Variants in GCNT2 observed in about 807,000 individuals in gnomAD.
The protein encoded by GCNT2 is N-acetyllactosaminide beta-1,6-N-acetylglucosaminyl-transferase.
GCNT2 carries 34 observed loss-of-function variants against 34.2 expected under a neutral mutation model. The observed-to-expected ratio is 1.00, with a 90% CI of 0.76 to 1.32. The LOEUF (loss-of-function observed/expected upper bound fraction) is 1.32. Ranked by LOEUF, GCNT2 falls within the 40% of genes most tolerant of loss-of-function variation. The probability of loss-of-function intolerance (pLI) is 0.00; values close to 1 mark genes in which losing one functional copy is unlikely to be tolerated. For missense variants in GCNT2, 584 were observed against 489.4 expected (o/e 1.19, Z -1.82); for synonymous variants, 212 against 188.0 (o/e 1.13, Z -1.04).
intron 3 of GCNT2, among the ~76,000 whole-genome samples, chr6:10,544,808 G>T (rs1271616685): frequency 2.0e-5 from 3 of 151,448 alleles, no homozygotes; most frequent in Non-Finnish European, 4.4e-5. Flanking sequence ...AGCTGGGCGT[G>T]GTGGCAGGCA....
At chr6:10,576,649 G>A (rs968326948) in intron 3 of GCNT2, among the ~76,000 whole-genome samples, 1 of 152,004 alleles carries the variant, frequency 6.6e-6, no homozygotes, top group Admixed American at 6.6e-5. Context: ...GGATGAAAGA[G>A]GGCTTTTCAA....
At chr6:10,558,510 CA>C (rs1300000677) in intron 3 of GCNT2, among the ~76,000 whole-genome samples, 4 of 152,160 alleles carry the variant, frequency 2.6e-5, no homozygotes, top group African/African-American at 9.7e-5. Flanking sequence ...ACTAATTTAC[CA>C]GACCGATTGT....
intron 3 of GCNT2, among the ~76,000 whole-genome samples, chr6:10,538,384 G>A (rs1308764137): frequency 7.6e-6 from 1 of 130,838 alleles, no homozygotes; most frequent in African/African-American, 3.0e-5. Context: ...CTCTGGCCTG[G>A]GCGACAAGAG....
intron 3 of GCNT2, among the ~76,000 whole-genome samples, chr6:10,540,731 C>T (rs1056218863): frequency 6.6e-6 from 1 of 152,156 alleles, no homozygotes; most frequent in African/African-American, 2.4e-5. Context: ...AGAAAATTCC[C>T]CTTCAGCATT....
rs1265716877 is a variant in GCNT2 at position 10,529,303 on chromosome 6, A to C, written c.392A>C (p.Lys131Thr). 1 of 1,614,062 alleles carries C rather than the reference A, an allele frequency of 6.2e-7. No individual in the cohort carries two copies. Among genetic ancestry groups the C allele is most frequent in the Non-Finnish European group, 8.5e-7 (1 of 1,180,040 alleles). ...QNVYCVHLDQKATDAFKGAVK... is the reference protein window; with the variant it reads ...QNVYCVHLDQTATDAFKGAVK... Reference sequence around the variant, plus strand: ...GTCTACTGTGTGCACCTGGATCAGAAGGCGACGGATGCCTTTAAAGGTGCA... The same window carrying C: ...GTCTACTGTGTGCACCTGGATCAGACGGCGACGGATGCCTTTAAAGGTGCA... The change falls in exon 3 of 5, where the codon AAG becomes ACG. Residue 131 changes from lysine (K) to threonine (T), a missense_variant. Lys to Thr is a moderately conservative substitution (Grantham distance 78). Transcript: ENST00000495262.
chr6:10,525,994 G>C (rs1283458198), intron 1 of GCNT2, among the ~76,000 whole-genome samples: 2 of 152,192 alleles, frequency 1.3e-5, no homozygotes, highest in African/African-American at 4.8e-5. Context: ...GACTAGTTTA[G>C]ATAAGCATAA....
chr6:10,573,574 A>T (rs34073056), intron 3 of GCNT2, among the ~76,000 whole-genome samples: 17,647 of 152,294 alleles, frequency 0.12, 1,249 homozygotes, highest in Middle Eastern at 0.18. Flanking sequence ...TAGGCTTTCT[A>T]CTACTGCCTT....
At chr6:10,553,639 A>T (rs1268975567) in intron 3 of GCNT2, among the ~76,000 whole-genome samples, 1 of 152,256 alleles carries the variant, frequency 6.6e-6, no homozygotes, top group Admixed American at 6.5e-5. Flanking sequence ...CACGCCTGTA[A>T]TCCCAGTACT....
chr6:10,546,074 A>G (rs1762250564), intron 3 of GCNT2, among the ~76,000 whole-genome samples: 1 of 152,020 alleles, frequency 6.6e-6, no homozygotes, highest in Non-Finnish European at 1.5e-5. Context: ...GCTGTTCTTT[A>G]TGCCTCACTG....
chr6:10,611,156 G>A (rs1435039943), intron 3 of GCNT2, among the ~76,000 whole-genome samples: 3 of 151,800 alleles, frequency 2.0e-5, no homozygotes, highest in African/African-American at 4.8e-5. Flanking sequence ...AGGCCAAGGT[G>A]GGAGGATTGC....
At chr6:10,582,233 T>TAATATATA (rs1764114099) in intron 3 of GCNT2, among the ~76,000 whole-genome samples, 1 of 124,960 alleles carries the variant, frequency 8.0e-6, no homozygotes, top group African/African-American at 3.1e-5. Flanking sequence ...TATATATATT[T>TAATATATA]AAATATATAA....
chr6:10,622,742 CTTTTTTTTTTTTTT>C (rs36097125), intron 4 of GCNT2, among the ~76,000 whole-genome samples: 2 of 74,472 alleles, frequency 2.7e-5, no homozygotes, highest in African/African-American at 9.1e-5. Flanking sequence ...CTCAGTCCAT[CTTTTTTTTTTTTTT>C]TTTTTTTTTT....
Position 10,529,204 on chromosome 6 carries a change from C to G in GCNT2, c.293C>G (p.Ala98Gly). 1 of 1,614,190 alleles carries G rather than the reference C, an allele frequency of 6.2e-7. No individual in the cohort carries two copies. Residue 98 changes from alanine to glycine, a missense_variant, in exon 3 of 5, where the codon GCT (alanine) becomes GGT (glycine). Coordinates refer to ENST00000495262, the MANE Select transcript of GCNT2 (RefSeq NM_145649.5). ...LSEEEAGFPL[A>G]YTVTIHKDFG... ...GAAGAAGAGGCTGGGTTCCCTTTAG[C>G]TTACACAGTGACCATCCACAAAGAC... is the stretch of plus-strand genomic sequence containing the variant.
rs182912052 is a variant in GCNT2, at chr6:10,530,352, G to A, written c.925+516G>A. The A allele has an allele frequency of 1.8e-3, 284 of 153,922 alleles. 1 individual carries two copies. The highest frequency in any genetic ancestry group is 6.5e-3 in the African/African-American group (271 of 41,478). The allele number at this position is 153,922 out of a possible 1,614,324, so 9.5% of individuals were successfully genotyped here. A position where few individuals can be genotyped will look rare whatever the true frequency, so the allele number is the denominator to read the frequency against. On this transcript the variant is annotated intron_variant, in intron 3 of 4. Coordinates refer to ENST00000495262, the MANE Select transcript of GCNT2 (RefSeq NM_145649.5). ...TGCACTCCAGCCTGGGTGACAGATC[G>A]AGACTCCATCTCTAAATAAATAAAT... is the stretch of plus-strand genomic sequence containing the variant.
chr6:10,582,044 ATATT>A (rs1223430206), intron 3 of GCNT2: 3 of 173,190 alleles, frequency 1.7e-5, no homozygotes, highest in East Asian at 1.9e-4. Flanking sequence ...TTATATGTAT[ATATT>A]TAAAAATACA....
At chr6:10,533,235 G>T (rs769687668) in intron 3 of GCNT2, among the ~76,000 whole-genome samples, 1 of 151,898 alleles carries the variant, frequency 6.6e-6, no homozygotes, top group Non-Finnish European at 1.5e-5. Context: ...CAGCCTGGGA[G>T]GCGGAGGTTG....
intron 3 of GCNT2, chr6:10,557,466 A>G: frequency 1.3e-6 from 1 of 755,318 alleles, no homozygotes; most frequent in Admixed American, 2.3e-5. Flanking sequence ...TTCTCACCCT[A>G]GTCCTTTCTA....
intron 3 of GCNT2, among the ~76,000 whole-genome samples, chr6:10,612,686 C>T (rs559387940): frequency 6.6e-6 from 1 of 152,222 alleles, no homozygotes; most frequent in East Asian, 1.9e-4. Context: ...CTCCCAAAAC[C>T]CTGTGAGGTT....
chr6:10,558,785 G>A (rs1169519186), intron 3 of GCNT2, among the ~76,000 whole-genome samples: 2 of 152,244 alleles, frequency 1.3e-5, no homozygotes, highest in Non-Finnish European at 2.9e-5. Flanking sequence ...ATCCCAGGGT[G>A]ACTTTCCTGG....
Sources: gnomAD v4.1 joint callset for allele counts (sites outside exome capture counted in the v4.1 genomes callset) on GRCh38, gnomAD v4.1.1 for gene constraint, MANE v1.5 for transcripts, NCBI Gene and HGNC (gene_info 2026-07-23, HGNC 2026-07-21) for gene names.